TTLL11: variants seen among roughly 807,000 people sequenced by gnomAD.
TTLL11 encodes the protein tubulin polyglutamylase TTLL11.
In TTLL11, 42 loss-of-function variants were observed where a neutral mutation model predicts 51.7. The ratio of observed to expected loss-of-function variants is 0.81; its 90% CI spans 0.64 to 1.05. The LOEUF (loss-of-function observed/expected upper bound fraction) is 1.05. Among genes scored for constraint, TTLL11 ranks in the 50% least tolerant of loss-of-function variants. The probability of loss-of-function intolerance (pLI) is 0.00; values close to 1 mark genes in which losing one functional copy is unlikely to be tolerated. For synonymous variants in TTLL11, 381 were observed against 383.5 expected (o/e 0.99, Z 0.08); for missense variants, 799 against 940.4 (o/e 0.85, Z 1.97).
chr9:122,086,126 C>G (rs761183785), intron 1 of TTLL11, among the ~76,000 whole-genome samples: 1 of 152,148 alleles, frequency 6.6e-6, no homozygotes, highest in Non-Finnish European at 1.5e-5. Context: ...ACACAGAAAA[C>G]AGCCTAACCA....
chr9:121,839,992 G>A (rs931963155), intron 8 of TTLL11, among the ~76,000 whole-genome samples: 9 of 152,210 alleles, frequency 5.9e-5, no homozygotes, highest in African/African-American at 2.2e-4. Flanking sequence ...TCACGTTAGA[G>A]CACAAATGAG....
chr9:121,998,573 A>C (rs1588190455), intron 3 of TTLL11, among the ~76,000 whole-genome samples: 2 of 148,186 alleles, frequency 1.3e-5, no homozygotes, highest in Admixed American at 6.8e-5. Context: ...GGTGTGAGGC[A>C]CCGCACCCAG....
At chr9:122,045,147 T>C (rs1374858764) in intron 1 of TTLL11, among the ~76,000 whole-genome samples, 2 of 151,546 alleles carry the variant, frequency 1.3e-5, no homozygotes, top group Non-Finnish European at 2.9e-5. Flanking sequence ...GACAAGTATA[T>C]AGAGAAATTG....
chr9:121,847,403 G>T (rs1837549475), intron 8 of TTLL11, among the ~76,000 whole-genome samples: 1 of 151,638 alleles, frequency 6.6e-6, no homozygotes, highest in African/African-American at 2.4e-5. Context: ...CAGAGAAAGA[G>T]AAAAGGTTAT....
intron 1 of TTLL11, among the ~76,000 whole-genome samples, chr9:122,068,716 C>G (rs1255911210): frequency 6.6e-6 from 1 of 152,214 alleles, no homozygotes; most frequent in Non-Finnish European, 1.5e-5. Flanking sequence ...GTGGCAGATA[C>G]TGGGGGGTGT....
chr9:121,968,720 C>A (rs1018692535), intron 6 of TTLL11, among the ~76,000 whole-genome samples: 2 of 151,770 alleles, frequency 1.3e-5, no homozygotes, highest in African/African-American at 2.4e-5. Context: ...CCATGCCTGG[C>A]TAATTTTTTT....
intron 6 of TTLL11, among the ~76,000 whole-genome samples, chr9:121,893,404 C>T (rs1011860332): frequency 2.6e-5 from 4 of 151,818 alleles, no homozygotes; most frequent in African/African-American, 9.7e-5. Context: ...ATAGTTGTGA[C>T]CATGATTTTA....
chr9:121,907,969 G>A (rs1839998736), intron 6 of TTLL11, among the ~76,000 whole-genome samples: 1 of 152,188 alleles, frequency 6.6e-6, no homozygotes, highest in Non-Finnish European at 1.5e-5. Context: ...GCCCTGCTAA[G>A]TTACTTAGCC....
chr9:122,082,980 G>A (rs569399648), intron 1 of TTLL11, among the ~76,000 whole-genome samples: 1 of 152,292 alleles, frequency 6.6e-6, no homozygotes, highest in East Asian at 1.9e-4. Context: ...GCTGCAGTGA[G>A]CCGAGATTGC....
Position 122,035,049 on chromosome 9 carries a change from T to C in TTLL11, c.560-3193A>G, listed in dbSNP as rs139196340. ...TGCTTGTATCCAAATGTTGGTGACCTTATCTTTTGCTCCTGGAGCCTGAGT... is the reference window on the plus strand; with the variant it reads ...TGCTTGTATCCAAATGTTGGTGACCCTATCTTTTGCTCCTGGAGCCTGAGT... On this transcript the variant is annotated intron_variant, in intron 2 of 8. Coordinates refer to ENST00000321582, the MANE Select transcript of TTLL11 (RefSeq NM_001139442.2). 4.3e-3 allele frequency among the ~76,000 whole-genome samples: 661 copies of C among 152,356 alleles called. 3 individuals are homozygous for C. Among genetic ancestry groups the C allele is most frequent in the African/African-American group, 0.015 (617 of 41,578 alleles).
intron 1 of TTLL11, among the ~76,000 whole-genome samples, chr9:122,081,168 A>G (rs535015422): frequency 6.6e-6 from 1 of 152,198 alleles, no homozygotes; most frequent in Non-Finnish European, 1.5e-5. Flanking sequence ...ACTTATGTAA[A>G]CACTAACTGT....
chr9:121,826,553 G>GTATATATATATACATATATATA (rs1385087890), intron 8 of TTLL11, among the ~76,000 whole-genome samples: 1 of 45,224 alleles, frequency 2.2e-5, no homozygotes, highest in African/African-American at 1.8e-4. Context: ...ATATATATGT[G>GTATATATATATACATATATATA]TGTGTATATA....
intron 1 of TTLL11, among the ~76,000 whole-genome samples, chr9:122,081,487 C>T (rs1291632127): frequency 6.6e-6 from 1 of 152,180 alleles, no homozygotes; most frequent in Admixed American, 6.5e-5. Context: ...GACATCTGTA[C>T]AACAGAAATA....
intron 7 of TTLL11, among the ~76,000 whole-genome samples, chr9:121,863,568 C>T (rs1010306609): frequency 1.3e-5 from 2 of 152,246 alleles, no homozygotes; most frequent in African/African-American, 4.8e-5. Flanking sequence ...CAAGGTAACT[C>T]TTCCTCCCTA....
intron 6 of TTLL11, among the ~76,000 whole-genome samples, chr9:121,937,521 C>T (rs1190461560): frequency 6.6e-6 from 1 of 152,188 alleles, no homozygotes; most frequent in East Asian, 1.9e-4. Flanking sequence ...AAGCACTAAT[C>T]GTATTCACCA....
Position 122,024,324 on chromosome 9 carries a change from A to G in TTLL11, c.693+7399T>C, listed in dbSNP as rs1018006590. On this transcript the variant is annotated intron_variant, in intron 3 of 8. Transcript: ENST00000321582. ...ATAAAAGGAAAGATACACCATGTCA[A>G]TGGGTCAGAAGACTCATTGTTAAGA... Among the ~76,000 whole-genome samples, 3 of 152,210 alleles carry G rather than the reference A, an allele frequency of 2.0e-5. No individual in the cohort carries two copies. The East Asian group carries it at 5.8e-4, about 29-fold the overall frequency.
chr9:121,881,543 C>T (rs1250645375), intron 6 of TTLL11, among the ~76,000 whole-genome samples: 1 of 152,174 alleles, frequency 6.6e-6, no homozygotes, highest in African/African-American at 2.4e-5. Flanking sequence ...TGAGGGCTCT[C>T]GCCACTTACC....
chr9:121,973,411 T>C (rs1842623010), intron 6 of TTLL11, among the ~76,000 whole-genome samples: 3 of 152,194 alleles, frequency 2.0e-5, no homozygotes, highest in African/African-American at 7.2e-5. Context: ...ACTTTTCCTG[T>C]GCTTGAGGAT....
chr9:122,037,957 T>C (rs1205775151), intron 2 of TTLL11, among the ~76,000 whole-genome samples: 3 of 152,202 alleles, frequency 2.0e-5, no homozygotes, highest in Non-Finnish European at 4.4e-5. Flanking sequence ...CAATGCGTTT[T>C]CTTAAAGACG....
Sources: gnomAD v4.1 joint callset for allele counts (sites outside exome capture counted in the v4.1 genomes callset) on GRCh38, gnomAD v4.1.1 for gene constraint, MANE v1.5 for transcripts, NCBI Gene and HGNC (gene_info 2026-07-23, HGNC 2026-07-21) for gene names.